The following PUS7L variants were observed in gnomAD, a reference collection of about 807,000 sequenced individuals.
The protein encoded by PUS7L is pseudouridine synthase 7 like.
A neutral mutation model predicts 51.1 loss-of-function variants in PUS7L; 49 were observed. That is an observed-to-expected ratio of 0.96 (90% CI 0.76 to 1.22). The LOEUF (loss-of-function observed/expected upper bound fraction) is 1.22, where lower values mean the gene tolerates loss of function less well. Ranked by LOEUF, PUS7L falls within the 50% of genes most tolerant of loss-of-function variation. The pLI is 0.00. For synonymous variants in PUS7L, 277 were observed against 276.2 expected (o/e 1.00, Z -0.03); for missense variants, 828 against 820.6 (o/e 1.01, Z -0.11).
At chr12:43,731,877 C>G in intron 7 of PUS7L, 119 bp from the exon 8 acceptor site, 1 of 630,148 alleles carries the variant, frequency 1.6e-6, no homozygotes. Context: ...ATACATAAAC[C>G]CAAACAAGAT....
Position 43,749,534 on chromosome 12 carries a change from T to C in PUS7L, c.911-925A>G, listed in dbSNP as rs536600136. Among the ~76,000 whole-genome samples, 3 of 152,020 alleles carry C rather than the reference T, an allele frequency of 2.0e-5. No individual in the cohort carries two copies. In the East Asian group the frequency reaches 5.8e-4, roughly 29 times the overall value. ...CCCATCTCTACAAAAAATTAAAAAG[T>C]TAGCAAACACCTATGGTCACAGCTA... On this transcript the variant is annotated intron_variant, in intron 2 of 8. Transcript: ENST00000344862.
chr12:43,721,050 G>A lies in PUS7L; in HGVS notation c.*9326C>T, dbSNP rs937317689. 3.3e-5 allele frequency: 5 copies of A among 152,160 alleles called. No individual in the cohort carries two copies. Among genetic ancestry groups the A allele is most frequent in the Admixed American group, 2.6e-4 (4 of 15,276 alleles). 9.4% of individuals were successfully genotyped at this position (152,160 alleles called of 1,614,324 possible). On this transcript the variant is annotated 3_prime_UTR_variant, in exon 9 of 9. Transcript: ENST00000344862. ...AGCTATTGTCATTACAACACTTAAA[G>A]TGAATTTTCCCCAACTTTCCTTAAT...
In PUS7L at chr12:43,757,401, G is replaced by A. The variant is rs1159435460; in HGVS notation, c.-17+1329C>T. ...TTGGCCAGGGTGGTCTTGAACTCCT[G>A]ACCTCGTGATCCACCCGCCTCGGCC... On this transcript the variant is annotated intron_variant, in intron 1 of 8. Coordinates refer to ENST00000344862, the MANE Select transcript of PUS7L (RefSeq NM_031292.5). Among the ~76,000 whole-genome samples the A allele has an allele frequency of 5.9e-5, 9 of 152,278 alleles. No individual in the cohort carries two copies. The South Asian group carries it at 1.2e-3, about 21-fold the overall frequency.
Position 43,758,654 on chromosome 12 carries a change from ACCC to A in PUS7L, c.-17+73_-17+75del, listed in dbSNP as rs760755963. 1,553 of 462,108 alleles carry A rather than the reference ACCC, an allele frequency of 3.4e-3. 164 individuals are homozygous for A. In the African/African-American group the frequency reaches 0.089, roughly 27 times the overall value. The allele number at this position is 462,108 out of a possible 1,614,324, so 28.6% of individuals were successfully genotyped here. On this transcript the variant is annotated intron_variant, in intron 1 of 8. Transcript: ENST00000344862. The stretch of plus-strand genomic sequence containing the variant: ...ATGGATCCTCAATGCCAACCTCGTC[ACCC>A]CCCCCCCCCACACACACACACACAC...
chr12:43,731,631 T>A (rs1944556393), intron 8 of PUS7L, 74 bp downstream of exon 8: 2 of 699,284 alleles, frequency 2.9e-6, no homozygotes, highest in Non-Finnish European at 5.0e-6. Context: ...GGAGGGGAAC[T>A]AGTTAACATT....
intron 5 of PUS7L, among the ~76,000 whole-genome samples, chr12:43,740,670 G>T (rs1253268147): frequency 6.6e-6 from 1 of 152,040 alleles, no homozygotes; most frequent in Non-Finnish European, 1.5e-5. Flanking sequence ...CCATCACTTG[G>T]TCTTCACACA....
intron 2 of PUS7L, among the ~76,000 whole-genome samples, chr12:43,749,000 G>C (rs1174056435): frequency 1.3e-5 from 2 of 152,168 alleles, no homozygotes; most frequent in Non-Finnish European, 2.9e-5. Context: ...GGGATTACAG[G>C]CGTCAGCCAC....
At chr12:43,734,171 A>C (rs1944628000) in intron 7 of PUS7L, among the ~76,000 whole-genome samples, 1 of 152,212 alleles carries the variant, frequency 6.6e-6, no homozygotes, top group South Asian at 2.1e-4. Context: ...CATATGATCC[A>C]GGCCAGGCCA....
intron 2 of PUS7L, 77 bp from the exon 3 acceptor site, chr12:43,748,686 TATA>T (rs147329578): frequency 0.031 from 35,534 of 1,132,060 alleles, 2,475 homozygotes; most frequent in African/African-American, 0.26. Flanking sequence ...AACAGATTAG[TATA>T]ATAAATCAAA....
At chr12:43,738,447 T>TA in intron 5 of PUS7L, 56 bp from the exon 6 acceptor site, 1 of 904,162 alleles carries the variant, frequency 1.1e-6, no homozygotes, top group Non-Finnish European at 1.8e-6. Context: ...TTACTTTCTT[T>TA]AAAAAAAGAT....
intron 4 of PUS7L, among the ~76,000 whole-genome samples, chr12:43,743,892 T>C (rs1424346493): frequency 2.6e-5 from 4 of 152,216 alleles, no homozygotes; most frequent in African/African-American, 9.6e-5. Context: ...GAGTTTTAAA[T>C]TAACCCTTCA....
In PUS7L at chr12:43,736,443, C is replaced by T. The variant is rs1269573803; in HGVS notation, c.1663G>A (p.Val555Met). 6.2e-7 allele frequency: 1 copy of T among 1,614,104 alleles called. No homozygotes were observed. The highest frequency in any genetic ancestry group is 2.2e-5 in the East Asian group (1 of 44,896). ...YRLETYGARV[V>M]QGDLVCLDED... is the part of the protein sequence containing the mutation. ...TCCAAACAGACCAAATCACCCTGCA[C>T]TACTCTTGCTCCATAGGTTTCAAGT... is the stretch of plus-strand genomic sequence containing the variant. Residue 555 changes from valine (V) to methionine (M), a missense_variant, in exon 7 of 9, where the codon GTG becomes ATG. Physicochemically the swap from Val to Met is conservative, Grantham distance 21. Coordinates refer to ENST00000344862, the MANE Select transcript of PUS7L (RefSeq NM_031292.5).
chr12:43,753,851 C>T (rs1938568038), intron 2 of PUS7L, among the ~76,000 whole-genome samples: 1 of 152,112 alleles, frequency 6.6e-6, no homozygotes, highest in Admixed American at 6.6e-5. Flanking sequence ...TGTCTAAAGA[C>T]CAGCAGGACC....
intron 2 of PUS7L, among the ~76,000 whole-genome samples, chr12:43,753,644 G>C (rs1565645389): frequency 6.6e-6 from 1 of 152,138 alleles, no homozygotes; most frequent in African/African-American, 2.4e-5. Context: ...TTTACAGTGA[G>C]AGTTCATCAG....
chr12:43,757,791 A>G (rs1044887646), intron 1 of PUS7L, among the ~76,000 whole-genome samples: 1 of 152,246 alleles, frequency 6.6e-6, no homozygotes, highest in African/African-American at 2.4e-5. Context: ...AGAGATAGAA[A>G]TGAGGCAGAG....
At chr12:43,742,714 TAAAGA>T in intron 4 of PUS7L, 159 bp from the exon 5 acceptor site, 3 of 902,820 alleles carry the variant, frequency 3.3e-6, no homozygotes, top group Non-Finnish European at 4.0e-6. Flanking sequence ...TGCTGTAAAT[TAAAGA>T]AAAGGAAAGA....
chr12:43,748,178 A>T (rs1218867193), intron 3 of PUS7L, among the ~76,000 whole-genome samples: 2 of 152,196 alleles, frequency 1.3e-5, no homozygotes, highest in Admixed American at 1.3e-4. Context: ...TATGTCTTTT[A>T]CAGTAACAAA....
At chr12:43,758,707 G>A in intron 1 of PUS7L, 23 bp downstream of exon 1, 7 of 912,454 alleles carry the variant, frequency 7.7e-6, no homozygotes, top group Non-Finnish European at 8.9e-6. Flanking sequence ...CCACCATCGC[G>A]CAAGAAACTC....
In PUS7L at chr12:43,724,646, C is replaced by T. The variant is rs1944432962; in HGVS notation, c.*5730G>A. 1 of 152,090 alleles carries T rather than the reference C, an allele frequency of 6.6e-6. No individual in the cohort carries two copies. The allele number at this position is 152,090 out of a possible 1,614,324, so 9.4% of individuals were successfully genotyped here. On this transcript the variant is annotated 3_prime_UTR_variant, in exon 9 of 9. Coordinates refer to ENST00000344862, the MANE Select transcript of PUS7L (RefSeq NM_031292.5). ...GACTGAAAAATGATAACTAACAGTA[C>T]TTCAAGTCCAAGAATTCTACAACAG...
Sources: gnomAD v4.1 joint callset for allele counts (sites outside exome capture counted in the v4.1 genomes callset) on GRCh38, gnomAD v4.1.1 for gene constraint, MANE v1.5 for transcripts, NCBI Gene and HGNC (gene_info 2026-07-23, HGNC 2026-07-21) for gene names.